MRAP2: variants seen among roughly 807,000 people sequenced by gnomAD.
MRAP2 encodes melanocortin 2 receptor accessory protein 2, also known as melanocortin-2 receptor accessory protein 2.
A neutral mutation model predicts 17.4 loss-of-function variants in MRAP2; 20 were observed. That is an observed-to-expected ratio of 1.15 (90% CI 0.81 to 1.67). The LOEUF is 1.67. MRAP2 is among the 40% of genes most tolerant of loss of function. MRAP2 has a pLI of 0.00. For synonymous variants in MRAP2, 96 were observed against 88.4 expected (o/e 1.09, Z -0.48); for missense variants, 238 against 240.0 (o/e 0.99, Z 0.05).
intron 3 of MRAP2, among the ~76,000 whole-genome samples, chr6:84,070,716 T>C (rs2099496001): frequency 6.6e-6 from 1 of 152,026 alleles, no homozygotes; most frequent in African/African-American, 2.4e-5. Flanking sequence ...CTTAGTTCTA[T>C]AAGTAATTGT....
chr6:84,047,820 T>C (rs1355068862), intron 1 of MRAP2, among the ~76,000 whole-genome samples: 3 of 152,246 alleles, frequency 2.0e-5, no homozygotes, highest in Non-Finnish European at 4.4e-5. Flanking sequence ...CAATACTTGC[T>C]GTCTCTAGGA....
In MRAP2 at chr6:84,060,690, C is replaced by CT. The variant is rs36021546; in HGVS notation, c.128-2190dup. On this transcript the variant is annotated intron_variant, in intron 2 of 3. Coordinates refer to ENST00000257776, the MANE Select transcript of MRAP2 (RefSeq NM_138409.4). ...TGGTGTTTGGTATTTGTCCTTACAT[C>CT]TTTTTTTTTTTTTGAGACGGAGTCT... 5.7e-3 allele frequency among the ~76,000 whole-genome samples: 822 copies of CT among 143,500 alleles called. 5 individuals carry two copies. The highest frequency in any genetic ancestry group is 0.018 in the African/African-American group (690 of 39,280). 94.1% of individuals were successfully genotyped at this position (143,500 alleles called of 152,430 possible).
chr6:84,074,421 G>A (rs1267466316), intron 3 of MRAP2, among the ~76,000 whole-genome samples: 1 of 152,190 alleles, frequency 6.6e-6, no homozygotes, highest in African/African-American at 2.4e-5. Flanking sequence ...CAACAGCATG[G>A]TTAAGATACC....
chr6:84,138,882 A>G, the MRAP2 span, among the ~76,000 whole-genome samples: 1 of 152,244 alleles, frequency 6.6e-6, no homozygotes, highest in Non-Finnish European at 1.5e-5. Context: ...AAGAATGCAC[A>G]ATGCTGAACT....
At chr6:84,131,231 GAT>G in the MRAP2 span, among the ~76,000 whole-genome samples, 19 of 152,140 alleles carry the variant, frequency 1.2e-4, no homozygotes, top group Non-Finnish European at 1.0e-4. Flanking sequence ...TGTTTGTTAT[GAT>G]TTCCATTCTT....
intron 2 of MRAP2, among the ~76,000 whole-genome samples, chr6:84,060,589 G>A (rs2099492862): frequency 6.6e-6 from 1 of 151,866 alleles, no homozygotes; most frequent in South Asian, 2.1e-4. Context: ...TTATTTATCT[G>A]TACAATGTTT....
the MRAP2 span, among the ~76,000 whole-genome samples, chr6:84,136,675 A>G: frequency 6.3e-3 from 954 of 152,304 alleles, 4 homozygotes; most frequent in African/African-American, 0.022. Context: ...TAAGAAGCAA[A>G]TAACAGGGAC....
At chr6:84,100,410 C>A in the MRAP2 span, among the ~76,000 whole-genome samples, 15 of 151,892 alleles carry the variant, frequency 9.9e-5, no homozygotes, top group Non-Finnish European at 2.2e-4. Context: ...ACTGCAGGCA[C>A]CTGCCACCAC....
the MRAP2 span, among the ~76,000 whole-genome samples, chr6:84,114,481 T>C: frequency 6.6e-6 from 1 of 152,126 alleles, no homozygotes; most frequent in African/African-American, 2.4e-5. Flanking sequence ...TCCTCTAACC[T>C]TTTTTCAAGG....
intron 1 of MRAP2, among the ~76,000 whole-genome samples, chr6:84,037,596 A>G (rs2099486463): frequency 6.6e-6 from 1 of 151,750 alleles, no homozygotes; most frequent in African/African-American, 2.4e-5. Flanking sequence ...GGGCTCTGGC[A>G]TGGCGGGCTG....
At chr6:84,103,201 A>G in the MRAP2 span, among the ~76,000 whole-genome samples, 2 of 152,322 alleles carry the variant, frequency 1.3e-5, no homozygotes, top group Admixed American at 6.5e-5. Flanking sequence ...ATGAGCAAGG[A>G]AAGAGGAAGG....
chr6:84,140,888 T>C, the MRAP2 span, among the ~76,000 whole-genome samples: 1 of 152,158 alleles, frequency 6.6e-6, no homozygotes, highest in South Asian at 2.1e-4. Context: ...GACTTTTTGG[T>C]ACCAGGGACT....
chr6:84,095,494 A>C (rs2099502515), downstream of MRAP2, among the ~76,000 whole-genome samples: 1 of 152,222 alleles, frequency 6.6e-6, no homozygotes, highest in African/African-American at 2.4e-5. Flanking sequence ...AGAAGTTGTG[A>C]AAAGAATGCA....
intron 1 of MRAP2, among the ~76,000 whole-genome samples, chr6:84,053,385 T>G (rs1490130616): frequency 6.6e-6 from 1 of 152,220 alleles, no homozygotes; most frequent in African/African-American, 2.4e-5. Context: ...GTTGGTAGAA[T>G]AGCATGAATC....
chr6:84,060,630 T>G (rs868532014), intron 2 of MRAP2, among the ~76,000 whole-genome samples: 13 of 152,112 alleles, frequency 8.5e-5, no homozygotes, highest in African/African-American at 3.1e-4. Context: ...TAGTTGAGAT[T>G]TAATTGTTTC....
chr6:84,047,457 A>G (rs1423500615), intron 1 of MRAP2, among the ~76,000 whole-genome samples: 1 of 151,758 alleles, frequency 6.6e-6, no homozygotes, highest in African/African-American at 2.4e-5. Flanking sequence ...TTCCCAAAGT[A>G]CTGGGATTAC....
At chr6:84,125,069 A>G in the MRAP2 span, 1,965 of 1,608,780 alleles carry the variant, frequency 1.2e-3, 2 homozygotes, top group Admixed American at 1.5e-3. Flanking sequence ...CTGAATTTCT[A>G]TTAATACTCT....
intron 3 of MRAP2, among the ~76,000 whole-genome samples, chr6:84,071,601 T>C (rs1272619687): frequency 6.6e-6 from 1 of 152,214 alleles, no homozygotes; most frequent in Non-Finnish European, 1.5e-5. Flanking sequence ...GTGTTCTTTG[T>C]GCTTCTTGTA....
At chr6:84,059,276 A>C (rs557844145) in intron 2 of MRAP2, among the ~76,000 whole-genome samples, 2 of 152,316 alleles carry the variant, frequency 1.3e-5, no homozygotes, top group Non-Finnish European at 2.9e-5. Context: ...GCAAGAAGCC[A>C]GGTCATTAGG....
Sources: allele counts gnomAD v4.1 joint callset (sites outside exome capture counted in the v4.1 genomes callset), GRCh38; gene constraint gnomAD v4.1.1; transcripts MANE v1.5; gene names NCBI Gene and HGNC (gene_info 2026-07-23, HGNC 2026-07-21).